The following TNR variants were observed in gnomAD, a reference collection of about 807,000 sequenced individuals.
TNR encodes the protein tenascin R, also known as tenascin-R.
A neutral mutation model predicts 150.4 loss-of-function variants in TNR; 45 were observed. That is an observed-to-expected ratio of 0.30 (90% CI 0.24 to 0.38). The LOEUF (loss-of-function observed/expected upper bound fraction) is 0.38. Among genes scored for constraint, TNR ranks in the 10% least tolerant of loss-of-function variants. The probability of loss-of-function intolerance (pLI) is 1.00; values close to 1 mark genes in which losing one functional copy is unlikely to be tolerated. For synonymous variants in TNR, 687 were observed against 678.4 expected (o/e 1.01, Z -0.20); for missense variants, 1,544 against 1,759.1 (o/e 0.88, Z 2.19).
chr1:175,382,062 C>A (rs543280204), intron 8 of TNR, among the ~76,000 whole-genome samples: 1 of 152,382 alleles, frequency 6.6e-6, no homozygotes, highest in Admixed American at 6.5e-5. Context: ...CCTTTTCAAA[C>A]CGCTTGATCC....
At chr1:175,614,262 T>C (rs1171669063) in intron 1 of TNR, among the ~76,000 whole-genome samples, 5 of 152,172 alleles carry the variant, frequency 3.3e-5, no homozygotes, top group African/African-American at 1.2e-4. Context: ...TACCTATGTA[T>C]GGTGTGGAGC....
chr1:175,475,381 C>A (rs1571493848), intron 2 of TNR, among the ~76,000 whole-genome samples: 1 of 152,164 alleles, frequency 6.6e-6, no homozygotes, highest in East Asian at 1.9e-4. Flanking sequence ...GTTGGTTATG[C>A]CCTTTCATGA....
intron 1 of TNR, among the ~76,000 whole-genome samples, chr1:175,696,580 G>A (rs1170911123): frequency 6.6e-6 from 1 of 152,274 alleles, no homozygotes; most frequent in South Asian, 2.1e-4. Context: ...ATCTGAGAGA[G>A]CAACCCTAGA....
At chr1:175,568,348 T>C (rs1010849148) in intron 1 of TNR, among the ~76,000 whole-genome samples, 1 of 152,136 alleles carries the variant, frequency 6.6e-6, no homozygotes, top group East Asian at 1.9e-4. Flanking sequence ...AGTTTCTACC[T>C]GTTTCATGTA....
In TNR at chr1:175,699,257, G is replaced by T. The variant is rs377651339; in HGVS notation, c.-165+43969C>A. On this transcript the variant is annotated intron_variant, in intron 1 of 22. Transcript: ENST00000367674. Reference sequence around the variant, plus strand: ...ATGGAGAAGAAAAAAAATGGTGAAAGGGAGAGGAGTTGTTTGAGGAAAGAG... The same window carrying T: ...ATGGAGAAGAAAAAAAATGGTGAAATGGAGAGGAGTTGTTTGAGGAAAGAG... 1.7e-4 allele frequency among the ~76,000 whole-genome samples: 26 copies of T among 152,310 alleles called. No individual in the cohort carries two copies. The East Asian group carries it at 3.5e-3, about 20-fold the overall frequency.
At chr1:175,497,741 A>G (rs760871191) in intron 2 of TNR, among the ~76,000 whole-genome samples, 99 of 152,106 alleles carry the variant, frequency 6.5e-4, no homozygotes, top group Non-Finnish European at 1.2e-3. Flanking sequence ...CTTTAGTGTT[A>G]GGTAATAATC....
intron 2 of TNR, among the ~76,000 whole-genome samples, chr1:175,511,872 A>G (rs1659191700): frequency 6.6e-6 from 1 of 152,204 alleles, no homozygotes. Context: ...GTTTCCTGGT[A>G]CACAATGACT....
chr1:175,422,969 G>A (rs115375959), intron 2 of TNR, among the ~76,000 whole-genome samples: 224 of 152,290 alleles, frequency 1.5e-3, no homozygotes, highest in African/African-American at 5.2e-3. Context: ...AAGGGTCATT[G>A]CCTGGTGAAC....
intron 19 of TNR, 21 bp from the exon 20 acceptor site, chr1:175,335,828 C>T: frequency 6.3e-7 from 1 of 1,593,084 alleles, no homozygotes; most frequent in Non-Finnish European, 8.5e-7. Flanking sequence ...AATAAAAAAA[C>T]AAAAAACAAA....
At chr1:175,724,253 T>C (rs1667418374) in intron 1 of TNR, among the ~76,000 whole-genome samples, 2 of 152,326 alleles carry the variant, frequency 1.3e-5, no homozygotes, top group Admixed American at 6.5e-5. Flanking sequence ...TGCTGGCATC[T>C]GCTTGTCTTC....
chr1:175,675,655 A>G (rs1190190509), intron 1 of TNR, among the ~76,000 whole-genome samples: 1 of 152,192 alleles, frequency 6.6e-6, no homozygotes, highest in Admixed American at 6.5e-5. Flanking sequence ...TGACCTGAAC[A>G]TAGGACCCCT....
chr1:175,364,094 A>G (rs1396843255), intron 12 of TNR, among the ~76,000 whole-genome samples: 2 of 152,234 alleles, frequency 1.3e-5, no homozygotes, highest in African/African-American at 4.8e-5. Flanking sequence ...TCTGCAAGCC[A>G]ACTAGGAACT....
chr1:175,436,042 C>G (rs1655494321), intron 2 of TNR, among the ~76,000 whole-genome samples: 2 of 152,196 alleles, frequency 1.3e-5, no homozygotes, highest in African/African-American at 4.8e-5. Context: ...TGTGGGTAAC[C>G]TGACCTTTCT....
chr1:175,338,533 G>A (rs58765882), intron 18 of TNR, among the ~76,000 whole-genome samples: 2,683 of 152,314 alleles, frequency 0.018, 87 homozygotes, highest in African/African-American at 0.062. Context: ...TTGCTGTGTG[G>A]GAAAGGGTGG....
At chr1:175,583,115 A>G (rs1662423432) in intron 1 of TNR, among the ~76,000 whole-genome samples, 1 of 152,212 alleles carries the variant, frequency 6.6e-6, no homozygotes, top group Non-Finnish European at 1.5e-5. Context: ...GCAACATGAT[A>G]GGTATGGGCA....
intron 2 of TNR, among the ~76,000 whole-genome samples, chr1:175,507,186 G>A (rs1304917353): frequency 1.3e-5 from 2 of 152,192 alleles, no homozygotes; most frequent in South Asian, 4.1e-4. Context: ...CCCCGCTGGG[G>A]GTGGAGAGCA....
At chr1:175,686,717 C>A (rs1056183812) in intron 1 of TNR, among the ~76,000 whole-genome samples, 1 of 152,064 alleles carries the variant, frequency 6.6e-6, no homozygotes, top group African/African-American at 2.4e-5. Context: ...GTTTAGTTCC[C>A]GCTTATAAGT....
intron 2 of TNR, among the ~76,000 whole-genome samples, chr1:175,493,664 G>T (rs1245265171): frequency 6.6e-6 from 1 of 152,182 alleles, no homozygotes; most frequent in African/African-American, 2.4e-5. Context: ...TTCCATTCCC[G>T]ACTCCGGTTG....
At chr1:175,600,550 T>C (rs1663194223) in intron 1 of TNR, among the ~76,000 whole-genome samples, 2 of 152,224 alleles carry the variant, frequency 1.3e-5, no homozygotes, top group African/African-American at 4.8e-5. Flanking sequence ...CCCACAGCTA[T>C]AATACCCACA....
Sources: gnomAD v4.1 joint callset for allele counts (sites outside exome capture counted in the v4.1 genomes callset) on GRCh38, gnomAD v4.1.1 for gene constraint, MANE v1.5 for transcripts, NCBI Gene and HGNC (gene_info 2026-07-23, HGNC 2026-07-21) for gene names.